Variants in SGCD observed in about 807,000 individuals in gnomAD.
SGCD encodes the protein delta-sarcoglycan.
A neutral mutation model predicts 36.6 loss-of-function variants in SGCD; 18 were observed. The ratio of observed to expected loss-of-function variants is 0.49; its 90% CI spans 0.34 to 0.73. The LOEUF is 0.73. Ranked by LOEUF, SGCD falls within the 30% of genes least tolerant of loss-of-function variation. The pLI, the probability that SGCD is intolerant of heterozygous loss-of-function variation, is 0.01. For missense variants in SGCD, 387 were observed against 346.7 expected (o/e 1.12, Z -0.92); for synonymous variants, 133 against 130.6 (o/e 1.02, Z -0.12).
intron 3 of SGCD, among the ~76,000 whole-genome samples, chr5:156,461,746 G>T (rs1754498242): frequency 1.3e-5 from 2 of 151,878 alleles, no homozygotes; most frequent in African/African-American, 4.8e-5. Flanking sequence ...AAGCCTTTAG[G>T]TTCTACTTAG....
chr5:156,366,477 A>G (rs1770112340), intron 3 of SGCD, among the ~76,000 whole-genome samples: 2 of 152,200 alleles, frequency 1.3e-5, no homozygotes, highest in African/African-American at 4.8e-5. Flanking sequence ...ATAAAAACCC[A>G]CTTTGGAATC....
At chr5:155,986,136 T>C (rs1293354352) in intron 1 of SGCD, among the ~76,000 whole-genome samples, 2 of 152,248 alleles carry the variant, frequency 1.3e-5, no homozygotes, top group Admixed American at 1.3e-4. Flanking sequence ...ATCCATTTCC[T>C]GTATCCTATG....
chr5:156,572,714 C>CAGAT (rs368246816), intron 4 of SGCD, among the ~76,000 whole-genome samples: 182 of 152,256 alleles, frequency 1.2e-3, no homozygotes, highest in Middle Eastern at 6.8e-3. Context: ...CTTTGTGGGA[C>CAGAT]AGATAGACAC....
chr5:155,926,212 A>T (rs534318528), intron 1 of SGCD, among the ~76,000 whole-genome samples: 1 of 152,280 alleles, frequency 6.6e-6, no homozygotes, highest in African/African-American at 2.4e-5. Context: ...AGAATTTTTG[A>T]GATACTGTTC....
At chr5:156,508,546 G>C (rs1756801230) in intron 3 of SGCD, 55 bp from the exon 4 acceptor site, 1 of 1,081,260 alleles carries the variant, frequency 9.2e-7, no homozygotes, top group Non-Finnish European at 1.4e-6. Context: ...AGCCTGAGGT[G>C]TTTTGAAATT....
chr5:156,492,172 T>C (rs899174324), intron 3 of SGCD, among the ~76,000 whole-genome samples: 5 of 152,208 alleles, frequency 3.3e-5, no homozygotes, highest in African/African-American at 9.6e-5. Flanking sequence ...TCATTGTCAT[T>C]CTCACTTGCA....
intron 5 of SGCD, among the ~76,000 whole-genome samples, 163 bp from the exon 6 acceptor site, chr5:156,594,769 C>T (rs926512305): frequency 3.3e-5 from 5 of 152,126 alleles, no homozygotes; most frequent in African/African-American, 1.2e-4. Flanking sequence ...TCATGGTCAG[C>T]TTTTGAAAAC....
chr5:156,556,550 C>T (rs1373155233), intron 4 of SGCD, among the ~76,000 whole-genome samples: 2 of 152,114 alleles, frequency 1.3e-5, no homozygotes, highest in African/African-American at 2.4e-5. Context: ...CTGAGGTCCT[C>T]ATGGGTTTAA....
intron 3 of SGCD, among the ~76,000 whole-genome samples, chr5:156,477,988 T>C (rs1046556961): frequency 2.6e-5 from 4 of 151,734 alleles, no homozygotes; most frequent in Admixed American, 2.6e-4. Context: ...TCATAAAGAA[T>C]GGAAGGAGTG....
chr5:155,832,325 T>C, the SGCD span, among the ~76,000 whole-genome samples: 2 of 152,216 alleles, frequency 1.3e-5, no homozygotes, highest in African/African-American at 4.8e-5. Context: ...CTCACCTCTT[T>C]CTGTTCTCCA....
intron 1 of SGCD, among the ~76,000 whole-genome samples, chr5:156,048,790 T>C (rs1293059124): frequency 2.6e-5 from 4 of 152,200 alleles, no homozygotes; most frequent in African/African-American, 7.2e-5. Context: ...TTCACTCTGA[T>C]GGTAGTTTCT....
chr5:156,366,999 T>G (rs1445668113), intron 3 of SGCD, among the ~76,000 whole-genome samples: 1 of 152,216 alleles, frequency 6.6e-6, no homozygotes, highest in Non-Finnish European at 1.5e-5. Context: ...TCACAAAACA[T>G]AACTTCTACA....
intron 2 of SGCD, among the ~76,000 whole-genome samples, chr5:156,123,028 G>A (rs546117500): frequency 6.6e-6 from 1 of 152,148 alleles, no homozygotes; most frequent in Admixed American, 6.6e-5. Context: ...AATTGCCATT[G>A]ACTGAGAAGG....
At chr5:156,453,985 A>G (rs551250928) in intron 3 of SGCD, among the ~76,000 whole-genome samples, 1 of 152,330 alleles carries the variant, frequency 6.6e-6, no homozygotes, top group East Asian at 1.9e-4. Context: ...GCAAAGGGTC[A>G]TGAAGAATCT....
At chr5:156,197,484 T>A (rs1764049618) in intron 3 of SGCD, among the ~76,000 whole-genome samples, 1 of 151,736 alleles carries the variant, frequency 6.6e-6, no homozygotes, top group African/African-American at 2.4e-5. Flanking sequence ...TTTTTTTTTT[T>A]TTTGGCTAAA....
intron 4 of SGCD, among the ~76,000 whole-genome samples, chr5:156,564,898 T>C (rs1202861579): frequency 1.3e-5 from 2 of 152,222 alleles, no homozygotes; most frequent in Non-Finnish European, 2.9e-5. Context: ...CATTCATCTG[T>C]TGATAAAACA....
At chr5:156,707,553 A>T (rs925663507) in intron 7 of SGCD, among the ~76,000 whole-genome samples, 8 of 152,210 alleles carry the variant, frequency 5.3e-5, no homozygotes, top group African/African-American at 1.9e-4. Context: ...AAGAAAATAG[A>T]AATAAATTTG....
intron 7 of SGCD, among the ~76,000 whole-genome samples, chr5:156,695,614 C>G (rs933024466): frequency 6.6e-6 from 1 of 151,974 alleles, no homozygotes; most frequent in South Asian, 2.1e-4. Context: ...ATTATTAAAG[C>G]GTATGCATGT....
At position 156,466,588 on chromosome 5, in the gene SGCD, G is replaced by A. The variant is rs189130608; in HGVS notation, c.193-42013G>A. 4.1e-4 allele frequency among the ~76,000 whole-genome samples: 62 copies of A among 152,266 alleles called. No individual in the cohort carries two copies. In the South Asian group the frequency reaches 7.7e-3, roughly 19 times the overall value. On this transcript the variant is annotated intron_variant, in intron 3 of 8. Transcript: ENST00000337851. ...TCTTTCCAGAGTCAGGCAAGAGCTG[G>A]ATTTGGGTTCTTACTAGATGTGTGG...
Sources: gnomAD v4.1 joint callset for allele counts (sites outside exome capture counted in the v4.1 genomes callset) on GRCh38, gnomAD v4.1.1 for gene constraint, MANE v1.5 for transcripts, NCBI Gene and HGNC (gene_info 2026-07-23, HGNC 2026-07-21) for gene names.